Variants in HOMER2 observed in about 807,000 individuals in gnomAD.
HOMER2 encodes homer scaffold protein 2.
In HOMER2, 27 loss-of-function variants were observed where a neutral mutation model predicts 47.0. The ratio of observed to expected loss-of-function variants is 0.57; its 90% CI spans 0.42 to 0.79. The LOEUF (loss-of-function observed/expected upper bound fraction) is 0.79, where lower values mean the gene tolerates loss of function less well. HOMER2 is among the 30% of genes least tolerant of loss of function. The probability of loss-of-function intolerance (pLI) is 0.00; values close to 1 mark genes in which losing one functional copy is unlikely to be tolerated. For missense variants in HOMER2, 443 were observed against 435.0 expected (o/e 1.02, Z -0.16); for synonymous variants, 161 against 163.8 (o/e 0.98, Z 0.13).
intron 1 of HOMER2, among the ~76,000 whole-genome samples, chr15:82,894,670 CA>C (rs11302464): frequency 0.083 from 6,604 of 79,176 alleles, 331 homozygotes; most frequent in African/African-American, 0.2. Flanking sequence ...GACTCCATCT[CA>C]AAAAAAAAAA....
chr15:82,859,224 G>A (rs752647121), intron 4 of HOMER2, 89 bp from the exon 5 acceptor site: 2 of 1,591,060 alleles, frequency 1.3e-6, no homozygotes, highest in South Asian at 2.2e-5. Context: ...TCGGCAGCAA[G>A]TTAGGCATAA....
At chr15:82,853,476 G>T (rs1435454808) in intron 6 of HOMER2, among the ~76,000 whole-genome samples, 2 of 152,202 alleles carry the variant, frequency 1.3e-5, no homozygotes, top group South Asian at 2.1e-4. Context: ...TAGCATGAAA[G>T]TAAGACAGTG....
chr15:82,897,955 A>G (rs746026141), intron 1 of HOMER2, among the ~76,000 whole-genome samples: 20 of 152,252 alleles, frequency 1.3e-4, no homozygotes, highest in Non-Finnish European at 2.1e-4. Context: ...TTAAGATGCT[A>G]TGTATGTGAC....
At chr15:82,917,694 C>T (rs2053626117) in intron 1 of HOMER2, among the ~76,000 whole-genome samples, 1 of 152,208 alleles carries the variant, frequency 6.6e-6, no homozygotes, top group Admixed American at 6.5e-5. Context: ...CATTGTTCTA[C>T]AGCCATGGTG....
rs2053508364 is a variant in HOMER2, at chr15:82,913,712, C to T, written c.6-20871G>A. On this transcript the variant is annotated intron_variant, in intron 1 of 8. Transcript: ENST00000450735. This position sits in a 1 kb window ranked among gnomAD's most constrained non-coding sequence, Gnocchi z 4.1. ...GCAGTCCCTCCATCCTGGACCCTTC[C>T]TCCAGAATCCCCCACTGCCAGTCCC... Among the ~76,000 whole-genome samples, 1 of 152,160 alleles carries T rather than the reference C, an allele frequency of 6.6e-6. No individual in the cohort carries two copies. The highest frequency in any genetic ancestry group is 6.5e-5 in the Admixed American group (1 of 15,280).
chr15:82,921,091 T>C (rs188523108), intron 1 of HOMER2, among the ~76,000 whole-genome samples: 72 of 152,178 alleles, frequency 4.7e-4, no homozygotes, highest in Non-Finnish European at 1.3e-4. Flanking sequence ...GGTCAGGAGT[T>C]CAAGACCAGG....
downstream of HOMER2, chr15:82,834,776 G>A (rs2051104944): frequency 6.6e-6 from 1 of 152,262 alleles, no homozygotes; most frequent in Admixed American, 6.5e-5. Context: ...TACCTTAGCT[G>A]CTGTAAAAGC....
At chr15:82,924,394 A>T (rs995285191) in intron 1 of HOMER2, among the ~76,000 whole-genome samples, 3 of 147,952 alleles carry the variant, frequency 2.0e-5, no homozygotes, top group Non-Finnish European at 4.5e-5. Flanking sequence ...CTGGCCCCAG[A>T]ACAGCCCCTG....
intron 1 of HOMER2, among the ~76,000 whole-genome samples, chr15:82,981,848 G>C (rs1165632000): frequency 6.6e-6 from 1 of 152,140 alleles, no homozygotes; most frequent in Non-Finnish European, 1.5e-5. Context: ...GGGCAGAGGG[G>C]AGAGGAAAAT....
chr15:82,853,710 C>T (rs951300385), intron 6 of HOMER2, among the ~76,000 whole-genome samples: 2 of 152,010 alleles, frequency 1.3e-5, no homozygotes, highest in Admixed American at 1.3e-4. Flanking sequence ...CTCTGGCCAC[C>T]CCAAAAGCAC....
At chr15:82,897,444 C>T (rs78109548) in intron 1 of HOMER2, among the ~76,000 whole-genome samples, 5,479 of 152,208 alleles carry the variant, frequency 0.036, 317 homozygotes, top group African/African-American at 0.13. Context: ...TAATAGCTGT[C>T]TGTAGTAGGC....
chr15:82,925,131 C>T (rs2053823533), intron 1 of HOMER2, among the ~76,000 whole-genome samples: 1 of 152,186 alleles, frequency 6.6e-6, no homozygotes, highest in Non-Finnish European at 1.5e-5. Context: ...AATCCCAAGC[C>T]TCTCATCAAT....
intron 3 of HOMER2, among the ~76,000 whole-genome samples, chr15:82,866,458 G>A (rs2051971153): frequency 6.6e-6 from 1 of 152,196 alleles, no homozygotes; most frequent in South Asian, 2.1e-4. Context: ...GGACTTTTGA[G>A]TTAATGCTGA....
intron 1 of HOMER2, among the ~76,000 whole-genome samples, chr15:82,984,475 T>C (rs2030519006): frequency 6.6e-6 from 1 of 152,226 alleles, no homozygotes; most frequent in Non-Finnish European, 1.5e-5. Context: ...ATATTCATAG[T>C]TCTATCATTC....
chr15:82,980,771 T>C (rs902593283), intron 1 of HOMER2, among the ~76,000 whole-genome samples: 1 of 152,178 alleles, frequency 6.6e-6, no homozygotes, highest in Non-Finnish European at 1.5e-5. Context: ...CCGACAATTT[T>C]AGAGTCTTGA....
chr15:82,872,682 A>G (rs2052216160), intron 3 of HOMER2, among the ~76,000 whole-genome samples: 2 of 152,142 alleles, frequency 1.3e-5, no homozygotes, highest in Admixed American at 1.3e-4. Flanking sequence ...CACACCTCAC[A>G]GTGCCACGAC....
At chr15:82,915,816 C>G (rs747972534) in intron 1 of HOMER2, among the ~76,000 whole-genome samples, 2 of 152,138 alleles carry the variant, frequency 1.3e-5, no homozygotes, top group Non-Finnish European at 2.9e-5. Flanking sequence ...TTATTAAAAA[C>G]AAAAACAAAC....
intron 1 of HOMER2, among the ~76,000 whole-genome samples, chr15:82,914,317 G>T (rs1430701780): frequency 6.7e-6 from 1 of 149,534 alleles, no homozygotes; most frequent in Non-Finnish European, 1.5e-5. Flanking sequence ...GGCAGAGCTT[G>T]CAGTGAGCCA....
chr15:82,875,024 C>G (rs1340330311), intron 3 of HOMER2, among the ~76,000 whole-genome samples: 1 of 152,168 alleles, frequency 6.6e-6, no homozygotes, highest in African/African-American at 2.4e-5. Flanking sequence ...GGAGGATGGA[C>G]TGGCCACACT....
Sources: allele counts gnomAD v4.1 joint callset (sites outside exome capture counted in the v4.1 genomes callset), GRCh38; gene constraint gnomAD v4.1.1; non-coding constraint Gnocchi (gnomAD v3.1); transcripts MANE v1.5; gene names NCBI Gene and HGNC (gene_info 2026-07-23, HGNC 2026-07-21).